Variants in ZNF385D observed in about 807,000 individuals in gnomAD.
ZNF385D encodes the protein zinc finger protein 385D.
Under a neutral mutation model 35.8 loss-of-function variants are expected in ZNF385D, and 15 were observed. That is an observed-to-expected ratio of 0.42 (90% confidence interval 0.28 to 0.64). The LOEUF (loss-of-function observed/expected upper bound fraction) is 0.64. ZNF385D is among the 30% of genes least tolerant of loss of function. The probability of loss-of-function intolerance (pLI) is 0.23; values close to 1 mark genes in which losing one functional copy is unlikely to be tolerated. For missense variants in ZNF385D, 474 were observed against 494.6 expected (o/e 0.96, Z 0.39); for synonymous variants, 212 against 186.8 (o/e 1.13, Z -1.10).
At chr3:21,537,117 A>G (rs1412175816) in intron 3 of ZNF385D, among the ~76,000 whole-genome samples, 1 of 147,208 alleles carries the variant, frequency 6.8e-6, no homozygotes, top group Non-Finnish European at 1.5e-5. Context: ...GGTGAACAAA[A>G]TATCAACTTT....
At chr3:21,600,363 A>G (rs1409042900) in intron 2 of ZNF385D, among the ~76,000 whole-genome samples, 1 of 152,090 alleles carries the variant, frequency 6.6e-6, no homozygotes, top group Non-Finnish European at 1.5e-5. Context: ...TAATACTCCC[A>G]TTATTAGTGA....
intron 3 of ZNF385D, among the ~76,000 whole-genome samples, chr3:21,782,671 C>G (rs183748782): frequency 3.2e-4 from 49 of 152,160 alleles, no homozygotes; most frequent in African/African-American, 1.2e-3. Flanking sequence ...ACAAATGTAA[C>G]TCTATTTTTC....
chr3:21,775,782 G>A (rs1032752491), intron 3 of ZNF385D, among the ~76,000 whole-genome samples: 2 of 151,694 alleles, frequency 1.3e-5, no homozygotes, highest in African/African-American at 4.8e-5. Flanking sequence ...TAAATTTTTA[G>A]ATTGTCTGAG....
chr3:21,772,001 A>T (rs2335427), intron 3 of ZNF385D, among the ~76,000 whole-genome samples: 1 of 151,964 alleles, frequency 6.6e-6, no homozygotes. Context: ...TTCAACAAAC[A>T]GTTCTGGGAA....
In ZNF385D at chr3:21,863,540, G is replaced by A. The variant is rs541287355; in HGVS notation, c.326-198512C>T. Among the ~76,000 whole-genome samples the A allele has an allele frequency of 1.6e-4, 25 of 152,170 alleles. No individual in the cohort carries two copies. The South Asian group carries it at 5.0e-3, about 30-fold the overall frequency. On this transcript the variant is annotated intron_variant, in intron 3 of 5. Transcript: ENST00000494108. ...CACACAGAATGGTCATCAAAGGAAA[G>A]GTTTTAAACCTATGTTTCCCAGGGC... is the stretch of plus-strand genomic sequence containing the variant.
chr3:21,989,713 G>T (rs933867775), intron 3 of ZNF385D, among the ~76,000 whole-genome samples: 5 of 151,716 alleles, frequency 3.3e-5, no homozygotes, highest in Non-Finnish European at 5.9e-5. Flanking sequence ...ATCCAGTCTT[G>T]TAAGTATGTA....
At chr3:22,181,051 C>G (rs1695234983) in intron 2 of ZNF385D, among the ~76,000 whole-genome samples, 1 of 151,478 alleles carries the variant, frequency 6.6e-6, no homozygotes, top group Non-Finnish European at 1.5e-5. Context: ...ATTTCAACTG[C>G]TGTCCATGCC....
chr3:21,918,963 C>T (rs1322575317), intron 3 of ZNF385D, among the ~76,000 whole-genome samples: 1 of 152,094 alleles, frequency 6.6e-6, no homozygotes, highest in East Asian at 1.9e-4. Context: ...TATTCAAATC[C>T]TTTCTACTTT....
intron 3 of ZNF385D, among the ~76,000 whole-genome samples, chr3:21,817,107 G>A (rs1489393068): frequency 1.3e-5 from 2 of 152,128 alleles, no homozygotes; most frequent in Non-Finnish European, 2.9e-5. Context: ...TTAATAAATG[G>A]TGCTGGGAAA....
chr3:21,549,318 A>G (rs1377025050), intron 3 of ZNF385D, among the ~76,000 whole-genome samples: 3 of 152,162 alleles, frequency 2.0e-5, no homozygotes, highest in Non-Finnish European at 4.4e-5. Flanking sequence ...AAAGAAGCAC[A>G]CTGCTTAGGT....
At chr3:22,340,760 C>T (rs907342670) in intron 2 of ZNF385D, among the ~76,000 whole-genome samples, 2 of 152,174 alleles carry the variant, frequency 1.3e-5, no homozygotes, top group African/African-American at 2.4e-5. Flanking sequence ...GAATGTATGA[C>T]CAGCATAAGT....
intron 1 of ZNF385D, among the ~76,000 whole-genome samples, chr3:21,734,859 G>T (rs1464363687): frequency 2.6e-5 from 4 of 152,116 alleles, no homozygotes; most frequent in Admixed American, 2.6e-4. Flanking sequence ...AGAGAATCAA[G>T]TCAGGAAACT....
At chr3:21,965,610 C>A (rs1404460245) in intron 3 of ZNF385D, among the ~76,000 whole-genome samples, 1 of 152,082 alleles carries the variant, frequency 6.6e-6, no homozygotes, top group Non-Finnish European at 1.5e-5. Context: ...GTATATGAGT[C>A]TAGATTGGAT....
chr3:22,359,034 C>A (rs1262428163), intron 2 of ZNF385D, among the ~76,000 whole-genome samples: 7 of 146,812 alleles, frequency 4.8e-5, no homozygotes, highest in Non-Finnish European at 7.5e-5. Context: ...ACTGCCTTGA[C>A]TACCCGTATT....
chr3:22,360,229 C>A (rs1696351925), intron 2 of ZNF385D, among the ~76,000 whole-genome samples: 1 of 151,916 alleles, frequency 6.6e-6, no homozygotes, highest in Admixed American at 6.6e-5. Flanking sequence ...AGCATTATTT[C>A]TTTCTTTAAA....
chr3:22,046,116 G>A (rs773941331), intron 3 of ZNF385D, among the ~76,000 whole-genome samples: 50 of 152,252 alleles, frequency 3.3e-4, no homozygotes, highest in Middle Eastern at 6.8e-3. Context: ...CAACCAAAAT[G>A]ACAGTGCTGT....
rs536904929 is a variant in ZNF385D at position 21,581,177 on chromosome 3, G to A, written c.166-16493C>T. Among the ~76,000 whole-genome samples, 10 of 152,246 alleles carry A rather than the reference G, an allele frequency of 6.6e-5. No homozygotes were observed. In the South Asian group the frequency reaches 1.7e-3, roughly 25 times the overall value. On this transcript the variant is annotated intron_variant, in intron 2 of 7. Transcript: ENST00000281523. ...TACTGCTTGCCCCAGACATTTTGCT[G>A]CAATAACGTAGACCTGCTGGCAATG...
chr3:21,815,707 C>A (rs1339878307), intron 3 of ZNF385D, among the ~76,000 whole-genome samples: 6 of 151,998 alleles, frequency 3.9e-5, no homozygotes, highest in Admixed American at 3.9e-4. Context: ...CAACCAAAAC[C>A]AGTACCGGAC....
chr3:21,583,710 T>C (rs1249537788), intron 2 of ZNF385D, among the ~76,000 whole-genome samples: 3 of 151,652 alleles, frequency 2.0e-5, no homozygotes, highest in Non-Finnish European at 2.9e-5. Flanking sequence ...CATTTAAATA[T>C]TGTATTGTTA....
Sources: allele counts gnomAD v4.1 joint callset (sites outside exome capture counted in the v4.1 genomes callset), GRCh38; gene constraint gnomAD v4.1.1; transcripts MANE v1.5; gene names NCBI Gene and HGNC (gene_info 2026-07-23, HGNC 2026-07-21).